UQCRB: variants seen among roughly 807,000 people sequenced by gnomAD.
UQCRB encodes ubiquinol-cytochrome c reductase binding protein, also known as cytochrome b-c1 complex subunit 7.
Under a neutral mutation model 19.8 loss-of-function variants are expected in UQCRB, and 12 were observed. The observed-to-expected ratio is 0.61, with a 90% CI of 0.39 to 0.98. UQCRB has a LOEUF of 0.98. Ranked by LOEUF, UQCRB falls within the 50% of genes least tolerant of loss-of-function variation. The pLI, the probability that UQCRB is intolerant of heterozygous loss-of-function variation, is 0.00. For missense variants in UQCRB, 142 were observed against 131.8 expected, an observed-to-expected ratio of 1.08 and a Z score of -0.38; for synonymous variants, 39 against 42.9, an observed-to-expected ratio of 0.91 and a Z score of 0.35.
intron 1 of UQCRB, chr8:96,234,822 A>C (rs1809765300): frequency 5.9e-6 from 1 of 168,088 alleles, no homozygotes; most frequent in Admixed American, 6.1e-5. Flanking sequence ...TTGTACCGCC[A>C]GAGGGCAGAG....
Position 96,226,876 on chromosome 8 carries a change from C to G in UQCRB, c.*4179G>C. On this transcript the variant is annotated 3_prime_UTR_variant, in exon 4 of 4. Transcript: ENST00000287022. ...ATTAACAGGCTTTCTGACATCTATG[C>G]TAAAAATTAACCACCGTATAATGAT... is the stretch of plus-strand genomic sequence containing the variant. 2.2e-6 allele frequency: 1 copy of G among 452,732 alleles called. No homozygotes were observed. Among genetic ancestry groups the G allele is most frequent in the Non-Finnish European group, 4.4e-6 (1 of 226,344 alleles). The allele number at this position is 452,732 out of a possible 1,614,324, so 28.0% of individuals were successfully genotyped here. A position where few individuals can be genotyped will look rare whatever the true frequency, so the allele number is the denominator to read the frequency against.
intron 1 of UQCRB, chr8:96,234,144 C>T (rs1185575957): frequency 6.4e-6 from 1 of 157,114 alleles, no homozygotes; most frequent in Non-Finnish European, 1.4e-5. Context: ...TTTCACTCAA[C>T]TCTCCTTGCT....
At chr8:96,235,187 C>G (rs1319852185) in intron 1 of UQCRB, 2 of 511,178 alleles carry the variant, frequency 3.9e-6, no homozygotes, top group Non-Finnish European at 3.5e-6. Context: ...AAGTCATCCA[C>G]TAGTTATCCT....
rs1465955702 is a variant in UQCRB, at chr8:96,226,749, A to G, written c.*4306T>C. The G allele has an allele frequency of 1.0e-5, 4 of 397,290 alleles. No individual in the cohort carries two copies. Among genetic ancestry groups the G allele is most frequent in the South Asian group, 3.7e-5 (2 of 53,726 alleles). 24.6% of individuals were successfully genotyped at this position (397,290 alleles called of 1,614,324 possible). On this transcript the variant is annotated 3_prime_UTR_variant, in exon 4 of 4. Transcript: ENST00000287022. ...CATTTATGCAAAAATAGGCACATGT[A>G]TTCAAACAAAAAGTTCAATAAATAA...
At position 96,233,303 on chromosome 8, in the gene UQCRB, C is replaced by A. The variant is rs188390773; in HGVS notation, c.20-76G>T. 8,888 of 1,345,966 alleles carry A rather than the reference C, an allele frequency of 6.6e-3. 41 individuals carry two copies. The highest frequency in any genetic ancestry group is 0.011 in the Admixed American group (646 of 59,648). The allele number at this position is 1,345,966 out of a possible 1,614,324, so 83.4% of individuals were successfully genotyped here. On this transcript the variant is annotated intron_variant, in intron 1 of 3. Transcript: ENST00000287022. Reference sequence around the variant, plus strand: ...CACATTGATAGGCAAGCAACCAGTACTCAGTTATCTTGCTGATGAATGCAA... The same window carrying A: ...CACATTGATAGGCAAGCAACCAGTAATCAGTTATCTTGCTGATGAATGCAA...
At chr8:96,235,406 C>A (rs1809786682) in intron 1 of UQCRB, 106 bp downstream of exon 1, 1 of 1,520,428 alleles carries the variant, frequency 6.6e-7, no homozygotes, top group Admixed American at 1.7e-5. Flanking sequence ...TTCCCTTCCG[C>A]GACAAACTTG....
Position 96,230,651 on chromosome 8 carries a change from C to G in UQCRB, c.*404G>C. The G allele has an allele frequency of 2.2e-6, 1 of 459,230 alleles. No homozygotes were observed. The highest frequency in any genetic ancestry group is 4.3e-6 in the Non-Finnish European group (1 of 231,302). 28.4% of individuals were successfully genotyped at this position (459,230 alleles called of 1,614,324 possible). ...TAAATGATAGGATGCAAAATCAAATCTGTTTGCATACCAGTGAAGAGGCTA... is the reference window on the plus strand; with the variant it reads ...TAAATGATAGGATGCAAAATCAAATGTGTTTGCATACCAGTGAAGAGGCTA... On this transcript the variant is annotated 3_prime_UTR_variant, in exon 4 of 4. Transcript: ENST00000287022.
rs1266465547 is a variant in UQCRB at position 96,230,255 on chromosome 8, T to G, written c.*800A>C. On this transcript the variant is annotated 3_prime_UTR_variant, in exon 4 of 4. Transcript: ENST00000287022. ...CACGCCTAGCTAATTTTTTGTATTT[T>G]TAGTAGAGACAGGGTTTCACCATGT... is the stretch of plus-strand genomic sequence containing the variant. The G allele has an allele frequency of 1.9e-5, 8 of 425,456 alleles. No homozygotes were observed. Among genetic ancestry groups the G allele is most frequent in the Non-Finnish European group, 3.8e-5 (8 of 212,930 alleles). The allele number at this position is 425,456 out of a possible 1,614,324, so 26.4% of individuals were successfully genotyped here.
Position 96,227,800 on chromosome 8 carries a change from C to T in UQCRB, c.*3255G>A, listed in dbSNP as rs755318751. 1.3e-5 allele frequency: 6 copies of T among 453,400 alleles called. No homozygotes were observed. Among genetic ancestry groups the T allele is most frequent in the African/African-American group, 1.2e-4 (6 of 49,888 alleles). 28.1% of individuals were successfully genotyped at this position (453,400 alleles called of 1,614,324 possible). A position where few individuals can be genotyped will look rare whatever the true frequency, so the allele number is the denominator to read the frequency against. ...CAGAGTTAATGCTTGAAAAGGGAGT[C>T]CTTAAAGTAAATAACTAAATGAAAT... is the stretch of plus-strand genomic sequence containing the variant. On this transcript the variant is annotated 3_prime_UTR_variant, in exon 4 of 4. Transcript: ENST00000287022.
chr8:96,232,012 C>T, intron 2 of UQCRB, 72 bp from the exon 3 acceptor site: 2 of 1,432,470 alleles, frequency 1.4e-6, no homozygotes, highest in Non-Finnish European at 9.7e-7. Flanking sequence ...AGTAAAATAC[C>T]TTTATGACTT....
At chr8:96,232,339 G>A (rs1398533001) in intron 2 of UQCRB, 1 of 208,102 alleles carries the variant, frequency 4.8e-6, no homozygotes, top group Non-Finnish European at 9.9e-6. Flanking sequence ...TGAGATCAAG[G>A]TATTAAAGAA....
rs1163272941 is a variant in UQCRB at position 96,229,167 on chromosome 8, G to A, written c.*1888C>T. 8.8e-6 allele frequency: 4 copies of A among 453,974 alleles called. No homozygotes were observed. Among genetic ancestry groups the A allele is most frequent in the Non-Finnish European group, 1.3e-5 (3 of 226,776 alleles). 28.1% of individuals were successfully genotyped at this position (453,974 alleles called of 1,614,324 possible). ...AAGAATGAAGTAATCTGGAAACATA[G>A]AATAGGCATACACTTTGGCTTTAGG... On this transcript the variant is annotated 3_prime_UTR_variant, in exon 4 of 4. Coordinates refer to ENST00000287022, the MANE Select transcript of UQCRB (RefSeq NM_006294.5).
chr8:96,235,239 C>A, intron 1 of UQCRB: 1 of 592,558 alleles, frequency 1.7e-6, no homozygotes, highest in East Asian at 2.9e-5. Flanking sequence ...GGAAGGACTT[C>A]CAAGCACGGG....
chr8:96,228,598 A>C lies in UQCRB; in HGVS notation c.*2457T>G, dbSNP rs1213225526. On this transcript the variant is annotated 3_prime_UTR_variant, in exon 4 of 4. Transcript: ENST00000287022. ...TATTCTTTCTCGCTTCTCAGCACAT[A>C]ATTTACATTATGCATACTATATGCC... 1 of 454,136 alleles carries C rather than the reference A, an allele frequency of 2.2e-6. No individual in the cohort carries two copies. The highest frequency in any genetic ancestry group is 4.4e-6 in the Non-Finnish European group (1 of 226,784). 28.1% of individuals were successfully genotyped at this position (454,136 alleles called of 1,614,324 possible).
In UQCRB at chr8:96,230,770, T is replaced by TAAACTGATAGGCTATCCAACCAGTGAGGA; in HGVS notation, c.*256_*284dup. On this transcript the variant is annotated 3_prime_UTR_variant, in exon 4 of 4. Transcript: ENST00000287022. ...AACTTACGGAAGTTATATCCTTCCA[T>TAAACTGATAGGCTATCCAACCAGTGAGGA]AAACTGATAGGCTATCCAACCAGTG... 2 of 571,776 alleles carry TAAACTGATAGGCTATCCAACCAGTGAGGA rather than the reference T, an allele frequency of 3.5e-6. No homozygotes were observed. The highest frequency in any genetic ancestry group is 6.6e-6 in the Non-Finnish European group (2 of 301,392). The allele number at this position is 571,776 out of a possible 1,614,324, so 35.4% of individuals were successfully genotyped here. A position where few individuals can be genotyped will look rare whatever the true frequency, so the allele number is the denominator to read the frequency against.
chr8:96,231,100 C>G lies in UQCRB; in HGVS notation c.291G>C (p.Glu97Asp). 2.5e-6 allele frequency: 4 copies of G among 1,614,056 alleles called. No individual in the cohort carries two copies. The highest frequency in any genetic ancestry group is 3.4e-6 in the Non-Finnish European group (4 of 1,180,008). ...ENFYLEPYLK[E>D]VIRERKEREE... is the part of the protein sequence containing the mutation. Reference sequence around the variant, plus strand: ...CTCTTTCTTTTCTTTCCCGAATAACCTCTTTCAGATACGGTTCAAGGTAGA... The same window carrying G: ...CTCTTTCTTTTCTTTCCCGAATAACGTCTTTCAGATACGGTTCAAGGTAGA... Residue 97 changes from glutamate (E) to aspartate (D), a missense_variant, in exon 4 of 4, where the codon GAG becomes GAC. Physicochemically the swap from Glu to Asp is conservative, Grantham distance 45. Transcript: ENST00000287022.
rs1809471163 is a variant in UQCRB, at chr8:96,223,003, G to A, written c.*8052C>T. On this transcript the variant is annotated 3_prime_UTR_variant, in exon 4 of 4. Transcript: ENST00000287022. ...AAAACATGTCAAATACATAGAAACA[G>A]AGAAGAATGGTGGTTTCCAGAGTGG... 6.6e-6 allele frequency among the ~76,000 whole-genome samples: 1 copy of A among 152,116 alleles called. No individual in the cohort carries two copies. Among genetic ancestry groups the A allele is most frequent in the African/African-American group, 2.4e-5 (1 of 41,402 alleles).
At chr8:96,232,887 G>T in intron 2 of UQCRB, 1 of 345,186 alleles carries the variant, frequency 2.9e-6, no homozygotes, top group Non-Finnish European at 5.2e-6. Flanking sequence ...TTGGGAAAGG[G>T]GGTGTAGAAG....
chr8:96,235,365 A>G, intron 1 of UQCRB, 147 bp downstream of exon 1: 1 of 1,184,124 alleles, frequency 8.4e-7, no homozygotes, highest in Admixed American at 1.8e-5. Flanking sequence ...GTGGGGAAGC[A>G]CATCCTTTTC....
Sources: allele counts gnomAD v4.1 joint callset (sites outside exome capture counted in the v4.1 genomes callset), GRCh38; gene constraint gnomAD v4.1.1; transcripts MANE v1.5; gene names NCBI Gene and HGNC (gene_info 2026-07-23, HGNC 2026-07-21).